CDKN2B-AS1: variants seen among roughly 807,000 people sequenced by gnomAD.
The protein encoded by CDKN2B-AS1 is CDKN2B and CDKN2A antisense cis and trans regulatory RNA 1.
intron 4 of CDKN2B-AS1, among the ~76,000 whole-genome samples, chr9:22,094,860 C>T (rs1386525251): frequency 4.2e-5 from 6 of 144,162 alleles, no homozygotes; most frequent in East Asian, 2.0e-4. Context: ...TGGTGAGGAG[C>T]TGCATTCCTT....
At chr9:22,080,068 G>C (rs1219981695) in intron 4 of CDKN2B-AS1, among the ~76,000 whole-genome samples, 1 of 152,186 alleles carries the variant, frequency 6.6e-6, no homozygotes, top group Non-Finnish European at 1.5e-5. Context: ...AAGCCTTTTG[G>C]GGTGTCTTGT....
chr9:22,016,267 A>G (rs1326751250), intron 1 of CDKN2B-AS1, among the ~76,000 whole-genome samples: 1 of 152,196 alleles, frequency 6.6e-6, no homozygotes, highest in African/African-American at 2.4e-5. Context: ...TTCAAGGAGA[A>G]CTACAAACCA....
intron 3 of CDKN2B-AS1, among the ~76,000 whole-genome samples, chr9:22,051,411 T>C (rs766184049): frequency 6.6e-6 from 1 of 152,208 alleles, no homozygotes; most frequent in Non-Finnish European, 1.5e-5. Context: ...GTTATGCTTA[T>C]AAGAGTAACA....
At chr9:22,115,191 T>C (rs928699753) in intron 4 of CDKN2B-AS1, among the ~76,000 whole-genome samples, 1 of 152,222 alleles carries the variant, frequency 6.6e-6, no homozygotes, top group African/African-American at 2.4e-5. Flanking sequence ...GGACTCCTCT[T>C]CCTTGGTGGC....
chr9:22,071,485 G>C (rs1003781385), intron 4 of CDKN2B-AS1, among the ~76,000 whole-genome samples: 2 of 151,756 alleles, frequency 1.3e-5, no homozygotes, highest in African/African-American at 4.8e-5. Flanking sequence ...GTTTAAAGAT[G>C]ACATTTCTAA....
At chr9:22,080,135 T>C (rs1030126428) in intron 4 of CDKN2B-AS1, among the ~76,000 whole-genome samples, 1 of 152,166 alleles carries the variant, frequency 6.6e-6, no homozygotes, top group African/African-American at 2.4e-5. Flanking sequence ...GCGTGAGCTG[T>C]TAAGGAATCC....
chr9:22,094,958 G>A (rs942582114), intron 4 of CDKN2B-AS1, among the ~76,000 whole-genome samples: 1 of 144,174 alleles, frequency 6.9e-6, no homozygotes, highest in East Asian at 2.0e-4. Context: ...TACCTTTGGT[G>A]TTTGATGATG....
chr9:22,008,604 A>C (rs1821311714), intron 1 of CDKN2B-AS1: 5 of 1,515,292 alleles, frequency 3.3e-6, no homozygotes, highest in Non-Finnish European at 4.5e-6. Flanking sequence ...AAGCTTAAAC[A>C]GTGGGTTTTT....
intron 1 of CDKN2B-AS1, among the ~76,000 whole-genome samples, chr9:22,016,519 G>A (rs1248089968): frequency 6.6e-6 from 1 of 152,180 alleles, no homozygotes; most frequent in South Asian, 2.1e-4. Context: ...AACAAAGCTG[G>A]AGGCATCATG....
At chr9:22,071,616 A>G (rs1824299468) in intron 4 of CDKN2B-AS1, among the ~76,000 whole-genome samples, 1 of 152,116 alleles carries the variant, frequency 6.6e-6, no homozygotes, top group South Asian at 2.1e-4. Flanking sequence ...GACTGTATTC[A>G]TTGGATATGA....
chr9:22,026,547 C>T (rs752145847), intron 1 of CDKN2B-AS1, among the ~76,000 whole-genome samples: 16 of 152,214 alleles, frequency 1.1e-4, no homozygotes, highest in Non-Finnish European at 2.1e-4. Flanking sequence ...AATGTTGCTA[C>T]TGGTGGCTAG....
intron 1 of CDKN2B-AS1, among the ~76,000 whole-genome samples, chr9:22,034,914 C>G (rs1027568183): frequency 6.6e-6 from 1 of 152,172 alleles, no homozygotes; most frequent in Non-Finnish European, 1.5e-5. Flanking sequence ...AGGAGTTCAA[C>G]TAGAGTTTGA....
intron 1 of CDKN2B-AS1, chr9:22,012,563 C>CCT (rs1212345869): frequency 1.5e-5 from 8 of 537,776 alleles, no homozygotes; most frequent in Non-Finnish European, 2.8e-5. Flanking sequence ...CGGAGGGCAG[C>CCT]CTCCTGCCCA....
intron 4 of CDKN2B-AS1, among the ~76,000 whole-genome samples, chr9:22,124,473 C>T (rs10811656): frequency 0.47 from 71,233 of 151,750 alleles, 16,783 homozygotes; most frequent in Middle Eastern, 0.57. Context: ...GTGGTCATTC[C>T]GGTAAGCAGC....
chr9:22,006,132 C>T lies in CDKN2B-AS1; in HGVS notation n.29+10971C>T. On this transcript the variant is annotated intron_variant and non_coding_transcript_variant, in intron 1 of 4. Coordinates refer to ENST00000650946, the Ensembl canonical transcript of CDKN2B-AS1. The surrounding 1 kb of genome is among the most constrained non-coding windows in gnomAD (Gnocchi z 6.4). ...CAGCACCACCAGCGTGTCCAGGAAG[C>T]CCTCCCGGGCAGCATCATGCACCGG... 6.2e-7 allele frequency: 1 copy of T among 1,611,360 alleles called. No homozygotes were observed. The highest frequency in any genetic ancestry group is 8.5e-7 in the Non-Finnish European group (1 of 1,179,838).
rs117825834 is a variant in CDKN2B-AS1 at position 22,098,258 on chromosome 9, A to G, written n.439-28845A>G. Among the ~76,000 whole-genome samples, 1,202 of 151,430 alleles carry G rather than the reference A, an allele frequency of 7.9e-3. 6 individuals carry two copies. Among genetic ancestry groups the G allele is most frequent in the Non-Finnish European group, 0.013 (914 of 67,866 alleles). On this transcript the variant is annotated intron_variant and non_coding_transcript_variant, in intron 4 of 4. Coordinates refer to ENST00000650946, the Ensembl canonical transcript of CDKN2B-AS1. ...TGTGTGTGTATACATTTATATGTGT[A>G]TATGTATTTATAGTAAATATATCAC...
intron 1 of CDKN2B-AS1, among the ~76,000 whole-genome samples, chr9:22,024,808 G>A (rs957928337): frequency 1.3e-5 from 2 of 152,190 alleles, no homozygotes; most frequent in Non-Finnish European, 2.9e-5. Flanking sequence ...ACACCCGGCT[G>A]GTGTGCGCAG....
rs1032006215 is a variant in CDKN2B-AS1 at position 22,093,858 on chromosome 9, T to C, written n.439-33245T>C. ...GTTATGTGTGAATTTGATCCTGTCA[T>C]TATGATGTTAGCTGGTTATTTTGCT... On this transcript the variant is annotated intron_variant and non_coding_transcript_variant, in intron 4 of 4. Coordinates refer to ENST00000650946, the Ensembl canonical transcript of CDKN2B-AS1. Among the ~76,000 whole-genome samples, 11 of 144,622 alleles carry C rather than the reference T, an allele frequency of 7.6e-5. 1 individual carries two copies. Among genetic ancestry groups the C allele is most frequent in the Middle Eastern group, 3.5e-3 (1 of 288 alleles). The allele number at this position is 144,622 out of a possible 152,430, so 94.9% of individuals were successfully genotyped here. A position where few individuals can be genotyped will look rare whatever the true frequency, so the allele number is the denominator to read the frequency against.
intron 4 of CDKN2B-AS1, among the ~76,000 whole-genome samples, chr9:22,091,205 T>C (rs1386627832): frequency 1.3e-5 from 2 of 152,214 alleles, no homozygotes; most frequent in East Asian, 1.9e-4. Flanking sequence ...TTGGTACCAG[T>C]ACCATGCTGT....
Sources: gnomAD v4.1 joint callset for allele counts (sites outside exome capture counted in the v4.1 genomes callset) on GRCh38, gnomAD v4.1.1 for gene constraint, Gnocchi (gnomAD v3.1) non-coding constraint, MANE v1.5 for transcripts, NCBI Gene and HGNC (gene_info 2026-07-23, HGNC 2026-07-21) for gene names.